SHCBP1: variants seen among roughly 807,000 people sequenced by gnomAD.
SHCBP1 encodes SHC binding and spindle associated 1, also known as SHC SH2 domain-binding protein 1.
A neutral mutation model predicts 75.1 loss-of-function variants in SHCBP1; 60 were observed. That is an observed-to-expected ratio of 0.80 (90% confidence interval 0.65 to 0.99). The LOEUF (loss-of-function observed/expected upper bound fraction) is 0.99. SHCBP1 is among the 50% of genes least tolerant of loss of function. The pLI, the probability that SHCBP1 is intolerant of heterozygous loss-of-function variation, is 0.00. For synonymous variants in SHCBP1, 290 were observed against 293.2 expected, an observed-to-expected ratio of 0.99 and a Z score of 0.11; for missense variants, 709 against 809.4, an observed-to-expected ratio of 0.88 and a Z score of 1.50.
intron 8 of SHCBP1, among the ~76,000 whole-genome samples, chr16:46,600,922 A>G (rs559590844): frequency 6.6e-6 from 1 of 152,172 alleles, no homozygotes; most frequent in African/African-American, 2.4e-5. Flanking sequence ...AGGTGGGAGA[A>G]TTGCTTGAAC....
chr16:46,606,695 T>C (rs1193590995), intron 5 of SHCBP1, among the ~76,000 whole-genome samples: 2 of 152,120 alleles, frequency 1.3e-5, no homozygotes, highest in Admixed American at 6.5e-5. Context: ...GAATATGCTA[T>C]GGAAAAATAG....
In SHCBP1 at chr16:46,604,254, C is replaced by T; in HGVS notation, c.897G>A (p.Leu299=). 6.2e-7 allele frequency: 1 copy of T among 1,614,218 alleles called. No individual in the cohort carries two copies. The highest frequency in any genetic ancestry group is 8.5e-7 in the Non-Finnish European group (1 of 1,180,030). ...YSEMEQLKQK[L]KLIENPLLRY... ...TCAACAAAGGATTCTCAATGAGTTT[C>T]AGCTTTTGTTTCAACTGTTCCATCT... The change falls in exon 6 of 13, where the codon CTG becomes CTA. Residue 299 remains leucine, a synonymous_variant. Coordinates refer to ENST00000303383, the MANE Select transcript of SHCBP1 (RefSeq NM_024745.5).
At chr16:46,607,556 A>G (rs1315299073) in intron 5 of SHCBP1, among the ~76,000 whole-genome samples, 2 of 152,192 alleles carry the variant, frequency 1.3e-5, no homozygotes, top group Non-Finnish European at 2.9e-5. Context: ...GGGGAAAAAA[A>G]TCATCTTTCA....
At position 46,615,170 on chromosome 16, in the gene SHCBP1, A is replaced by T. The variant is rs1417606904; in HGVS notation, c.596+776T>A. Among the ~76,000 whole-genome samples, 3 of 152,210 alleles carry T rather than the reference A, an allele frequency of 2.0e-5. No homozygotes were observed. The East Asian group carries it at 5.8e-4, about 29-fold the overall frequency. ...TTTTCTCTTCCTTATGAATTTCTTA[A>T]CATTTCCTTTTTTCTAGCACTTTAT... On this transcript the variant is annotated intron_variant, in intron 4 of 12. Coordinates refer to ENST00000303383, the MANE Select transcript of SHCBP1 (RefSeq NM_024745.5).
At chr16:46,592,951 C>CAAAAA in intron 10 of SHCBP1, among the ~76,000 whole-genome samples, 2,726 of 22,408 alleles carry the variant, frequency 0.12, 501 homozygotes, top group Non-Finnish European at 0.13. Flanking sequence ...TAAAAATTCT[C>CAAAAA]AAAAAAAAAA....
chr16:46,583,253 T>C (rs1337842450), intron 12 of SHCBP1, among the ~76,000 whole-genome samples: 1 of 152,116 alleles, frequency 6.6e-6, no homozygotes, highest in Non-Finnish European at 1.5e-5. Flanking sequence ...TCCACCCTCA[T>C]TGAAAGCTAA....
At position 46,581,924 on chromosome 16, in the gene SHCBP1, G is replaced by A. The variant is rs201215816; in HGVS notation, c.1824C>T (p.Val608=). 34 of 1,613,990 alleles carry A rather than the reference G, an allele frequency of 2.1e-5. No homozygotes were observed. The highest frequency in any genetic ancestry group is 1.7e-4 in the Middle Eastern group (1 of 6,060). ...CATTTACAATTTCACAATTTCCCTC[G>A]ACTTGCTCAGAAGGGTCAGTTCTTG... ...LCARTDPSEQ[V]EGNCEIVNEL... is the part of the protein sequence containing the mutation. Residue 608 remains valine (V), a synonymous_variant, in exon 13 of 13, where the codon GTC becomes GTT. Coordinates refer to ENST00000303383, the MANE Select transcript of SHCBP1 (RefSeq NM_024745.5).
intron 10 of SHCBP1, among the ~76,000 whole-genome samples, chr16:46,588,693 CAA>C (rs1250356067): frequency 6.6e-6 from 1 of 152,072 alleles, no homozygotes; most frequent in Non-Finnish European, 1.5e-5. Flanking sequence ...GCCTACCAAT[CAA>C]AAAAAGTCTA....
intron 4 of SHCBP1, among the ~76,000 whole-genome samples, chr16:46,609,260 G>A (rs752972391): frequency 2.2e-4 from 34 of 151,970 alleles, no homozygotes; most frequent in Non-Finnish European, 4.1e-4. Context: ...CTGGGAGGCC[G>A]GGGCTGCAGT....
At chr16:46,587,152 G>A (rs1386575862) in intron 10 of SHCBP1, among the ~76,000 whole-genome samples, 1 of 152,062 alleles carries the variant, frequency 6.6e-6, no homozygotes, top group East Asian at 1.9e-4. Flanking sequence ...TAAGGCAAAT[G>A]TTTAAGACAA....
intron 8 of SHCBP1, among the ~76,000 whole-genome samples, chr16:46,600,428 T>A (rs1965214688): frequency 6.6e-6 from 1 of 152,072 alleles, no homozygotes; most frequent in South Asian, 2.1e-4. Flanking sequence ...ATCATGCCAT[T>A]GCACTCCAGC....
chr16:46,593,837 TG>T (rs55755778), intron 10 of SHCBP1, among the ~76,000 whole-genome samples: 3,327 of 152,292 alleles, frequency 0.022, 50 homozygotes, highest in Middle Eastern at 0.044. Context: ...AATTGACATA[TG>T]GGTTTATTAA....
At position 46,604,439 on chromosome 16, in the gene SHCBP1, G is replaced by T; in HGVS notation, c.712C>A (p.Arg238=). Residue 238 remains arginine, a synonymous_variant, in exon 6 of 13, where the codon CGA becomes AGA. Coordinates refer to ENST00000303383, the MANE Select transcript of SHCBP1 (RefSeq NM_024745.5). ...LRLHYDILED[R]VPSGLIVDYH... ...TCAACAATAAGTCCTGATGGAACTC[G>T]GTCTTCAAGAATGTCATAATGCCTG... 5 of 1,611,682 alleles carry T rather than the reference G, an allele frequency of 3.1e-6. No homozygotes were observed. The highest frequency in any genetic ancestry group is 4.2e-6 in the Non-Finnish European group (5 of 1,177,902).
rs767089061 is a variant in SHCBP1, at chr16:46,581,835, A to T, written c.1913T>A (p.Ile638Asn). 6.2e-7 allele frequency: 1 copy of T among 1,614,158 alleles called. No homozygotes were observed. Among genetic ancestry groups the T allele is most frequent in the South Asian group, 1.1e-5 (1 of 91,084 alleles). The change falls in exon 13 of 13, where the codon ATC becomes AAC. Residue 638 changes from isoleucine to asparagine, a missense_variant. Transcript: ENST00000303383. Reference protein sequence around the residue: ...IKKKRLSELGITQADDNLMSQ... With the variant: ...IKKKRLSELGNTQADDNLMSQ... ...CATTAAGTTGTCATCAGCTTGCGTG[A>T]TCCCCAGTTCACTCAACCTTTTCTT...
chr16:46,610,443 C>T (rs1456008098), intron 4 of SHCBP1, among the ~76,000 whole-genome samples: 1 of 151,070 alleles, frequency 6.6e-6, no homozygotes, highest in Non-Finnish European at 1.5e-5. Flanking sequence ...TTTCTTAAAT[C>T]GCTGTTAGCC....
At chr16:46,608,499 AT>A in intron 4 of SHCBP1, 110 bp from the exon 5 acceptor site, 1 of 691,912 alleles carries the variant, frequency 1.4e-6, no homozygotes, top group Non-Finnish European at 2.5e-6. Flanking sequence ...ATCTTAGAGA[AT>A]GCTGCATATT....
intron 9 of SHCBP1, among the ~76,000 whole-genome samples, chr16:46,599,615 G>A (rs944750625): frequency 2.2e-5 from 3 of 133,516 alleles, no homozygotes; most frequent in African/African-American, 8.3e-5. Flanking sequence ...ATGCTCTTGG[G>A]AAAATGGTGC....
chr16:46,608,267 T>A (rs549405237), intron 5 of SHCBP1, 30 bp downstream of exon 5: 5 of 1,525,758 alleles, frequency 3.3e-6, no homozygotes, highest in Non-Finnish European at 4.5e-6. Context: ...TTTTCCAACA[T>A]GTACAACAAG....
At chr16:46,603,389 C>T in intron 8 of SHCBP1, 150 bp downstream of exon 8, 1 of 1,140,114 alleles carries the variant, frequency 8.8e-7, no homozygotes, top group Non-Finnish European at 1.3e-6. Flanking sequence ...AACCTCTTTT[C>T]AGCTTTCCAT....
Sources: allele counts gnomAD v4.1 joint callset (sites outside exome capture counted in the v4.1 genomes callset), GRCh38; gene constraint gnomAD v4.1.1; transcripts MANE v1.5; gene names NCBI Gene and HGNC (gene_info 2026-07-23, HGNC 2026-07-21).